The following FAM151B variants were observed in gnomAD, a reference collection of about 807,000 sequenced individuals.
FAM151B encodes the protein protein FAM151B.
In FAM151B, 24 loss-of-function variants were observed where a neutral mutation model predicts 31.2. The observed-to-expected ratio is 0.77, with a 90% CI of 0.56 to 1.08. The LOEUF (loss-of-function observed/expected upper bound fraction) is 1.08. Ranked by LOEUF, FAM151B falls within the 50% of genes least tolerant of loss-of-function variation. The pLI is 0.00. For missense variants in FAM151B, 293 were observed against 328.6 expected (o/e 0.89, Z 0.84); for synonymous variants, 105 against 111.4 (o/e 0.94, Z 0.36).
intron 2 of FAM151B, among the ~76,000 whole-genome samples, chr5:80,502,722 A>G (rs1394796068): frequency 1.3e-5 from 2 of 152,196 alleles, no homozygotes; most frequent in Non-Finnish European, 2.9e-5. Context: ...TTACCTTGAA[A>G]TTCCATATTT....
rs187051639 is a variant in FAM151B, at chr5:80,520,972, C to G, written c.536-1031C>G. On this transcript the variant is annotated intron_variant, in intron 4 of 5. Coordinates refer to ENST00000282226, the MANE Select transcript of FAM151B (RefSeq NM_205548.3). ...GCTGGGATTACAGGCGCCACCACGC[C>G]CAGCTAATTTTTGTATTGTTTTTTA... Among the ~76,000 whole-genome samples, 935 of 150,364 alleles carry G rather than the reference C, an allele frequency of 6.2e-3. 6 individuals are homozygous for G. Among genetic ancestry groups the G allele is most frequent in the Middle Eastern group, 0.017 (5 of 290 alleles).
In FAM151B at chr5:80,501,672, CTATATA is replaced by C. The variant is rs137888883; in HGVS notation, c.26-112_26-107del. ...ACCTTTTTACTATCTATCTATCTAT[CTATATA>C]TATATATCACATAACAGCATATGTG... On this transcript the variant is annotated intron_variant, in intron 1 of 5. Coordinates refer to ENST00000282226, the MANE Select transcript of FAM151B (RefSeq NM_205548.3). The C allele has an allele frequency of 3.4e-4, 201 of 591,526 alleles. 1 individual carries two copies. In the East Asian group the frequency reaches 6.3e-3, roughly 18 times the overall value. The allele number at this position is 591,526 out of a possible 1,614,324, so 36.6% of individuals were successfully genotyped here.
chr5:80,525,388 T>G (rs1372733048), intron 5 of FAM151B, among the ~76,000 whole-genome samples: 1 of 152,204 alleles, frequency 6.6e-6, no homozygotes, highest in East Asian at 1.9e-4. Context: ...GCTTCTCATC[T>G]AAGTAGTTGG....
At chr5:80,518,875 C>T (rs1744577898) in intron 3 of FAM151B, 1 of 152,090 alleles carries the variant, frequency 6.6e-6, no homozygotes, top group East Asian at 1.9e-4. Context: ...GAGTGTTCTC[C>T]CCTCCAGTAT....
intron 1 of FAM151B, among the ~76,000 whole-genome samples, chr5:80,499,482 T>C (rs1201627892): frequency 6.6e-6 from 1 of 152,140 alleles, no homozygotes; most frequent in Non-Finnish European, 1.5e-5. Flanking sequence ...ATTAAATTGT[T>C]AATATAAATA....
At position 80,541,716 on chromosome 5, in the gene FAM151B, G is replaced by T. The variant is rs778116783; in HGVS notation, c.715G>T (p.Val239Phe). ...GACTGGAAAAAATGATAACTATTCC[G>T]TTGAAGATTTACTTTACATTAGAGA... ...IWTGKNDNYS[V>F]EDLLYIRDHF... The change falls in exon 6 of 6, where the codon GTT (valine) becomes TTT (phenylalanine). Residue 239 changes from valine to phenylalanine, a missense_variant. Physicochemically the swap from Val to Phe is conservative, Grantham distance 50. Transcript: ENST00000282226. The T allele has an allele frequency of 6.8e-6, 11 of 1,613,592 alleles. No individual in the cohort carries two copies. The highest frequency in any genetic ancestry group is 3.3e-5 in the South Asian group (3 of 91,064).
intron 2 of FAM151B, among the ~76,000 whole-genome samples, chr5:80,509,142 A>G (rs1347192720): frequency 6.6e-6 from 1 of 151,082 alleles, no homozygotes; most frequent in Non-Finnish European, 1.5e-5. Context: ...ATGCCTGGCT[A>G]ATTTTTTTTT....
At chr5:80,503,358 C>T (rs545896281) in intron 2 of FAM151B, among the ~76,000 whole-genome samples, 2 of 152,148 alleles carry the variant, frequency 1.3e-5, no homozygotes, top group African/African-American at 4.8e-5. Context: ...CATTTGACCC[C>T]AGGAGTTGAA....
chr5:80,509,622 C>T (rs1278603481), intron 2 of FAM151B, among the ~76,000 whole-genome samples: 26 of 152,200 alleles, frequency 1.7e-4, no homozygotes, highest in Non-Finnish European at 7.3e-5. Context: ...TTGAGAATCT[C>T]TTGCCAGCTG....
At chr5:80,535,956 A>T (rs1273895427) in intron 5 of FAM151B, among the ~76,000 whole-genome samples, 1 of 152,214 alleles carries the variant, frequency 6.6e-6, no homozygotes, top group Non-Finnish European at 1.5e-5. Flanking sequence ...AAAAAAAGAC[A>T]TACAAATGGC....
intron 5 of FAM151B, among the ~76,000 whole-genome samples, chr5:80,531,531 A>C (rs1256280041): frequency 2.0e-5 from 3 of 152,190 alleles, no homozygotes; most frequent in Non-Finnish European, 4.4e-5. Flanking sequence ...AACTCAAACA[A>C]ATTTACAAGA....
chr5:80,525,482 GT>G (rs1264038889), intron 5 of FAM151B, among the ~76,000 whole-genome samples: 4 of 152,056 alleles, frequency 2.6e-5, no homozygotes, highest in Admixed American at 2.0e-4. Flanking sequence ...CAGGCTAAGT[GT>G]TTTTATTATA....
intron 5 of FAM151B, among the ~76,000 whole-genome samples, chr5:80,527,951 C>T (rs987378567): frequency 7.2e-5 from 11 of 152,182 alleles, no homozygotes; most frequent in African/African-American, 2.7e-4. Flanking sequence ...TAAAACACAA[C>T]CACCTTGTAT....
At chr5:80,527,505 C>T (rs1198535240) in intron 5 of FAM151B, among the ~76,000 whole-genome samples, 2 of 152,058 alleles carry the variant, frequency 1.3e-5, no homozygotes, top group African/African-American at 2.4e-5. Flanking sequence ...ACCTAAATTG[C>T]CTACACCTAG....
chr5:80,524,324 A>G (rs1203816396), intron 5 of FAM151B, among the ~76,000 whole-genome samples: 1 of 152,084 alleles, frequency 6.6e-6, no homozygotes, highest in Non-Finnish European at 1.5e-5. Flanking sequence ...TGATTTTCAC[A>G]TAGTCATATG....
chr5:80,535,378 C>T (rs1745446354), intron 5 of FAM151B, among the ~76,000 whole-genome samples: 1 of 152,168 alleles, frequency 6.6e-6, no homozygotes, highest in African/African-American at 2.4e-5. Flanking sequence ...ACCAAAACTG[C>T]ATTGTACTGG....
intron 5 of FAM151B, among the ~76,000 whole-genome samples, chr5:80,522,882 T>A (rs965072824): frequency 1.3e-5 from 2 of 149,846 alleles, no homozygotes; most frequent in Non-Finnish European, 3.0e-5. Context: ...GTTAAAAATT[T>A]TATTTTTTTT....
chr5:80,495,830 CAAAAAAAAAA>C (rs3072031), intron 1 of FAM151B, among the ~76,000 whole-genome samples: 1 of 88,100 alleles, frequency 1.1e-5, no homozygotes. Flanking sequence ...GACTCCGTCT[CAAAAAAAAAA>C]AAAAAAAAAA....
intron 5 of FAM151B, among the ~76,000 whole-genome samples, chr5:80,538,531 TCC>T (rs1483220704): frequency 3.0e-4 from 33 of 110,206 alleles, no homozygotes; most frequent in African/African-American, 1.7e-3. Flanking sequence ...CTTCCTTCCT[TCC>T]TTCCTTCCTT....
Sources: allele counts gnomAD v4.1 joint callset (sites outside exome capture counted in the v4.1 genomes callset), GRCh38; gene constraint gnomAD v4.1.1; transcripts MANE v1.5; gene names NCBI Gene and HGNC (gene_info 2026-07-23, HGNC 2026-07-21).